Variants in COL16A1 observed in about 807,000 individuals in gnomAD.
COL16A1 encodes the protein collagen alpha-1(XVI) chain.
Under a neutral mutation model 266.3 loss-of-function variants are expected in COL16A1, and 189 were observed. The observed-to-expected ratio is 0.71, with a 90% CI of 0.63 to 0.80. The LOEUF (loss-of-function observed/expected upper bound fraction) is 0.80, where lower values mean the gene tolerates loss of function less well. Among genes scored for constraint, COL16A1 ranks in the 30% least tolerant of loss-of-function variants. The pLI is 0.00. For synonymous variants in COL16A1, 740 were observed against 782.3 expected, an observed-to-expected ratio of 0.95 and a Z score of 0.90; for missense variants, 1,928 against 2,122.4, an observed-to-expected ratio of 0.91 and a Z score of 1.80.
chr1:31,675,432 C>A, intron 42 of COL16A1, 121 bp from the exon 43 acceptor site: 1 of 1,416,654 alleles, frequency 7.1e-7, no homozygotes. Flanking sequence ...AGAGCCCTGG[C>A]TGGCACAAGG....
At chr1:31,667,758 G>A in intron 51 of COL16A1, 130 bp from the exon 52 acceptor site, 2 of 933,792 alleles carry the variant, frequency 2.1e-6, no homozygotes, top group Non-Finnish European at 3.4e-6. Context: ...AGGACCGCTG[G>A]GTGCTCCAAA....
chr1:31,688,553 C>T lies in COL16A1; in HGVS notation c.1768-51G>A. Reference sequence around the variant, plus strand: ...CAGCATCTCCCCACTCCCACCTCTCCAAGGCTCCCCGGGTCCCAGTGTCCA... The same window carrying T: ...CAGCATCTCCCCACTCCCACCTCTCTAAGGCTCCCCGGGTCCCAGTGTCCA... On this transcript the variant is annotated intron_variant, in intron 25 of 70. Transcript: ENST00000373672. The surrounding 1 kb of genome is among the most constrained non-coding windows in gnomAD (Gnocchi z 4.9). 6.2e-7 allele frequency: 1 copy of T among 1,612,630 alleles called. No homozygotes were observed.
At position 31,668,058 on chromosome 1, in the gene COL16A1, G is replaced by A. The variant is rs754270802; in HGVS notation, c.3303+107C>T. On this transcript the variant is annotated intron_variant, in intron 51 of 70. Coordinates refer to ENST00000373672, the MANE Select transcript of COL16A1 (RefSeq NM_001856.4). This position sits in a 1 kb window ranked among gnomAD's most constrained non-coding sequence, Gnocchi z 5.8. ...GGCAAAGGAGGAGGCTGAAATGCCC[G>A]GTAATGGGGAGCCCGCCGAGGGTTG... The A allele has an allele frequency of 4.0e-5, 38 of 950,428 alleles. No homozygotes were observed. Among genetic ancestry groups the A allele is most frequent in the Admixed American group, 1.4e-4 (6 of 43,816 alleles). 58.9% of individuals were successfully genotyped at this position (950,428 alleles called of 1,614,324 possible).
chr1:31,679,524 CTG>C, intron 42 of COL16A1, 106 bp downstream of exon 42: 1 of 1,613,956 alleles, frequency 6.2e-7, no homozygotes, highest in Non-Finnish European at 8.5e-7. Flanking sequence ...AATGGCATGT[CTG>C]TGTTTTTGGG....
Position 31,671,632 on chromosome 1 carries a change from C to T in COL16A1, c.3133G>A (p.Gly1045Ser). The T allele has an allele frequency of 6.2e-7, 1 of 1,614,038 alleles. No homozygotes were observed. Among genetic ancestry groups the T allele is most frequent in the Non-Finnish European group, 8.5e-7 (1 of 1,180,000 alleles). Residue 1045 changes from glycine (G) to serine (S), a missense_variant, in exon 48 of 71, where the codon GGT (glycine) becomes AGT (serine). By Grantham distance (56) the Gly-to-Ser change is moderately conservative. Coordinates refer to ENST00000373672, the MANE Select transcript of COL16A1 (RefSeq NM_001856.4). ...ATACTTACGATAGGGCCTGGAGGAC[C>T]CGGGGAGCCCCTCATGCCAGGCGGA... ...EGPPGMRGSP[G>S]PPGPIGPPGF...
chr1:31,688,324 C>G lies in COL16A1; in HGVS notation c.1803+143G>C. ...AAATAAATTCTTTGACTCAAGTCTG[C>G]AAAACACTAGTAAATTAATTTCACT... On this transcript the variant is annotated intron_variant, in intron 26 of 70. Coordinates refer to ENST00000373672, the MANE Select transcript of COL16A1 (RefSeq NM_001856.4). This position sits in a 1 kb window ranked among gnomAD's most constrained non-coding sequence, Gnocchi z 4.9. 1 of 945,188 alleles carries G rather than the reference C, an allele frequency of 1.1e-6. No homozygotes were observed. The highest frequency in any genetic ancestry group is 1.7e-6 in the Non-Finnish European group (1 of 596,092). 58.6% of individuals were successfully genotyped at this position (945,188 alleles called of 1,614,324 possible).
chr1:31,678,331 G>C (rs11807597), intron 42 of COL16A1, among the ~76,000 whole-genome samples: 1 of 152,168 alleles, frequency 6.6e-6, no homozygotes, highest in African/African-American at 2.4e-5. Context: ...CCAGACACAC[G>C]GACAGTGGTG....
intron 8 of COL16A1, among the ~76,000 whole-genome samples, chr1:31,696,392 C>T (rs1644502032): frequency 1.5e-5 from 2 of 137,488 alleles, no homozygotes; most frequent in Admixed American, 8.2e-5. Flanking sequence ...TGTGTTCCTG[C>T]AGCCCAAGGC....
intron 8 of COL16A1, among the ~76,000 whole-genome samples, chr1:31,696,473 C>T (rs1184782466): frequency 6.6e-6 from 1 of 152,234 alleles, no homozygotes; most frequent in East Asian, 1.9e-4. Context: ...AACCAGGCTT[C>T]CATGCCACCT....
intron 58 of COL16A1, 143 bp downstream of exon 58, chr1:31,662,191 G>T: frequency 6.8e-7 from 1 of 1,463,510 alleles, no homozygotes. Flanking sequence ...CTGGGGTAGA[G>T]GGAGACAGAC....
intron 22 of COL16A1, 47 bp from the exon 23 acceptor site, chr1:31,689,898 C>T (rs1323903616): frequency 2.6e-6 from 4 of 1,562,020 alleles, no homozygotes. Flanking sequence ...GGCTGAGACC[C>T]CAGGGAAGGC....
In COL16A1 at chr1:31,656,160, CAATG is replaced by C; in HGVS notation, c.4101+236_4101+239del. On this transcript the variant is annotated intron_variant, in intron 66 of 70. Coordinates refer to ENST00000373672, the MANE Select transcript of COL16A1 (RefSeq NM_001856.4). The surrounding 1 kb of genome is among the most constrained non-coding windows in gnomAD (Gnocchi z 4.2). ...CAAGGGAGTGCTCGGGAAATGGAAA[CAATG>C]AATGAATCAATCAGTCAATCAGTGA... 3.1e-6 allele frequency: 2 copies of C among 640,312 alleles called. No individual in the cohort carries two copies. The highest frequency in any genetic ancestry group is 5.3e-6 in the Non-Finnish European group (2 of 378,912). The allele number at this position is 640,312 out of a possible 1,614,324, so 39.7% of individuals were successfully genotyped here.
chr1:31,684,686 C>A (rs1262588957), intron 30 of COL16A1, 56 bp from the exon 31 acceptor site: 2 of 1,607,010 alleles, frequency 1.2e-6, no homozygotes, highest in Admixed American at 1.7e-5. Context: ...GGCAGGTTGC[C>A]CCCCTGGGAC....
rs748628594 is a variant in COL16A1, at chr1:31,696,092, G to C, written c.914C>G (p.Ala305Gly). The change falls in exon 9 of 71, where the codon GCA becomes GGA. Residue 305 changes from alanine to glycine, a missense_variant. Physicochemically the swap from Ala to Gly is moderately conservative, Grantham distance 60. Around this residue, in one of 2 missense-constraint regions of COL16A1, gnomAD observed 1,552 missense variants for 1,637.2 expected, o/e 0.95. Coordinates refer to ENST00000373672, the MANE Select transcript of COL16A1 (RefSeq NM_001856.4). ...TCCCCCCACCCCCACCTCTACCTTTGCTCCCCTTTCTGCCTTCTGGCTGAT... is the reference window on the plus strand; with the variant it reads ...TCCCCCCACCCCCACCTCTACCTTTCCTCCCCTTTCTGCCTTCTGGCTGAT... ...GRISQKAERG[A>G]KVHQETAADE... is the part of the protein sequence containing the mutation. 7.1e-7 allele frequency: 1 copy of C among 1,416,254 alleles called. No homozygotes were observed. The highest frequency in any genetic ancestry group is 9.8e-7 in the Non-Finnish European group (1 of 1,016,362). The allele number at this position is 1,416,254 out of a possible 1,614,324, so 87.7% of individuals were successfully genotyped here.
At chr1:31,696,567 A>T (rs1644511242) in intron 8 of COL16A1, among the ~76,000 whole-genome samples, 1 of 152,190 alleles carries the variant, frequency 6.6e-6, no homozygotes, top group Non-Finnish European at 1.5e-5. Flanking sequence ...TGGGCCCAGG[A>T]GAGTGAGCCA....
intron 61 of COL16A1, 78 bp downstream of exon 61, chr1:31,660,988 G>A (rs1641606073): frequency 1.0e-5 from 15 of 1,454,940 alleles, no homozygotes; most frequent in Non-Finnish European, 1.3e-5. Flanking sequence ...CCAGTGAGCA[G>A]GAAGAAGCGG....
intron 64 of COL16A1, 30 bp downstream of exon 64, chr1:31,658,457 CT>C: frequency 2.6e-6 from 4 of 1,559,156 alleles, no homozygotes; most frequent in Non-Finnish European, 3.5e-6. Flanking sequence ...CTCTTTCCCC[CT>C]GGGCTATGCT....
At chr1:31,683,581 G>A (rs1643802355) in intron 34 of COL16A1, 126 bp downstream of exon 34, 1 of 1,586,574 alleles carries the variant, frequency 6.3e-7, no homozygotes, top group East Asian at 2.2e-5. Flanking sequence ...CCTGATCCCT[G>A]GTCCCAGAAC....
intron 39 of COL16A1, among the ~76,000 whole-genome samples, chr1:31,680,605 T>TA (rs1643562437): frequency 6.6e-6 from 1 of 152,140 alleles, no homozygotes; most frequent in Non-Finnish European, 1.5e-5. Flanking sequence ...GCTGCCCTCC[T>TA]AAGGGGGCCT....
Sources: allele counts gnomAD v4.1 joint callset (sites outside exome capture counted in the v4.1 genomes callset), GRCh38; gene constraint gnomAD v4.1.1; regional missense constraint gnomAD v4.1.1; non-coding constraint Gnocchi (gnomAD v3.1); transcripts MANE v1.5; gene names NCBI Gene and HGNC (gene_info 2026-07-23, HGNC 2026-07-21).